The following HYCC1 variants were observed in gnomAD, a reference collection of about 807,000 sequenced individuals.
The protein encoded by HYCC1 is hyccin.
the HYCC1 span, among the ~76,000 whole-genome samples, chr7:22,897,232 T>C: frequency 6.6e-6 from 1 of 151,628 alleles, no homozygotes; most frequent in African/African-American, 2.4e-5. Context: ...TGGGACAGAG[T>C]AGAAGGAAAT....
the HYCC1 span, among the ~76,000 whole-genome samples, chr7:22,910,323 T>C: frequency 6.6e-6 from 1 of 152,126 alleles, no homozygotes; most frequent in Non-Finnish European, 1.5e-5. Flanking sequence ...GAGCCTGGCA[T>C]TGCTTTTGCT....
the HYCC1 span, among the ~76,000 whole-genome samples, chr7:22,969,128 A>G: frequency 6.6e-6 from 1 of 152,134 alleles, no homozygotes; most frequent in African/African-American, 2.4e-5. Context: ...AATATCCTAA[A>G]AATATCTGAG....
chr7:22,913,402 G>C, the HYCC1 span, among the ~76,000 whole-genome samples: 1 of 152,200 alleles, frequency 6.6e-6, no homozygotes, highest in African/African-American at 2.4e-5. Context: ...ACTGTCATCC[G>C]ACTTCACTGT....
At chr7:22,929,136 A>G in the HYCC1 span, among the ~76,000 whole-genome samples, 1 of 152,226 alleles carries the variant, frequency 6.6e-6, no homozygotes, top group South Asian at 2.1e-4. Context: ...CTGGCTAGCC[A>G]TATGTAGAAA....
chr7:22,929,721 A>G, the HYCC1 span, among the ~76,000 whole-genome samples: 2 of 152,242 alleles, frequency 1.3e-5, no homozygotes, highest in African/African-American at 2.4e-5. Flanking sequence ...GTGGAGAAAT[A>G]GGAACACTTT....
the HYCC1 span, among the ~76,000 whole-genome samples, chr7:22,924,667 G>A: frequency 1.3e-5 from 2 of 152,230 alleles, no homozygotes; most frequent in Non-Finnish European, 2.9e-5. Flanking sequence ...GCTTGAGTAG[G>A]TAAACAAAGT....
chr7:22,940,184 A>C, the HYCC1 span: 1 of 151,470 alleles, frequency 6.6e-6, no homozygotes, highest in African/African-American at 2.4e-5. Flanking sequence ...CAAACATATA[A>C]TCAACTACAA....
At chr7:23,007,974 C>T in the HYCC1 span, among the ~76,000 whole-genome samples, 2 of 152,048 alleles carry the variant, frequency 1.3e-5, no homozygotes, top group African/African-American at 4.8e-5. Flanking sequence ...AACTGTGAAA[C>T]CCTAAAGGCA....
chr7:22,926,278 C>T, the HYCC1 span, among the ~76,000 whole-genome samples: 49 of 151,494 alleles, frequency 3.2e-4, no homozygotes, highest in South Asian at 8.4e-4. Context: ...CATCAACTAA[C>T]GAGCAAAATA....
At chr7:22,969,527 T>G in the HYCC1 span, among the ~76,000 whole-genome samples, 1 of 19,260 alleles carries the variant, frequency 5.2e-5, no homozygotes, top group Non-Finnish European at 1.3e-4. Context: ...TTTTTTTGGT[T>G]TTTTTTTTTT....
chr7:22,995,679 G>T, the HYCC1 span, among the ~76,000 whole-genome samples: 2 of 152,108 alleles, frequency 1.3e-5, no homozygotes. Context: ...ATAAATAAGA[G>T]AATAGGAGAT....
At chr7:22,896,915 A>G in the HYCC1 span, among the ~76,000 whole-genome samples, 3 of 152,326 alleles carry the variant, frequency 2.0e-5, no homozygotes, top group East Asian at 5.8e-4. Flanking sequence ...TAAAGCCCCC[A>G]CTTTATAAGC....
chr7:22,915,646 T>C, the HYCC1 span, among the ~76,000 whole-genome samples: 2 of 152,170 alleles, frequency 1.3e-5, no homozygotes, highest in African/African-American at 4.8e-5. Context: ...TTTGGGTAGA[T>C]CTTACAGTGG....
chr7:22,897,398 G>A, the HYCC1 span, among the ~76,000 whole-genome samples: 1 of 152,190 alleles, frequency 6.6e-6, no homozygotes, highest in Non-Finnish European at 1.5e-5. Context: ...TTTGTCAAGA[G>A]TGGACTCCAG....
At chr7:23,001,156 G>A in the HYCC1 span, among the ~76,000 whole-genome samples, 1 of 152,076 alleles carries the variant, frequency 6.6e-6, no homozygotes, top group African/African-American at 2.4e-5. Context: ...TTGTGATAAT[G>A]ACTAACATTC....
At chr7:22,977,712 C>G in the HYCC1 span, among the ~76,000 whole-genome samples, 2 of 152,008 alleles carry the variant, frequency 1.3e-5, no homozygotes, top group African/African-American at 4.8e-5. Flanking sequence ...ATTTGCTAAG[C>G]GAAGTAATCA....
the HYCC1 span, among the ~76,000 whole-genome samples, chr7:22,972,647 T>C: frequency 8.5e-5 from 13 of 152,352 alleles, no homozygotes; most frequent in African/African-American, 2.9e-4. Flanking sequence ...AGTATATTTC[T>C]TTTCATAGTG....
At chr7:22,966,264 A>T in the HYCC1 span, among the ~76,000 whole-genome samples, 1 of 152,158 alleles carries the variant, frequency 6.6e-6, no homozygotes, top group African/African-American at 2.4e-5. Context: ...CTTTCTGACC[A>T]ACATGCACTG....
At chr7:22,937,086 A>G in the HYCC1 span, 1 of 152,212 alleles carries the variant, frequency 6.6e-6, no homozygotes, top group East Asian at 1.9e-4. Context: ...AGAGGAAGAA[A>G]AAGTGGTGAT....
Sources: gnomAD v4.1 joint callset for allele counts (sites outside exome capture counted in the v4.1 genomes callset) on GRCh38, gnomAD v4.1.1 for gene constraint, MANE v1.5 for transcripts, NCBI Gene and HGNC (gene_info 2026-07-23, HGNC 2026-07-21) for gene names.